Variants in PLPPR1 observed in about 807,000 individuals in gnomAD.
PLPPR1 encodes phospholipid phosphatase related 1.
Under a neutral mutation model 33.1 loss-of-function variants are expected in PLPPR1, and 10 were observed. The observed-to-expected ratio is 0.30, with a 90% CI of 0.19 to 0.51. PLPPR1 has a LOEUF of 0.51. Ranked by LOEUF, PLPPR1 falls within the 20% of genes least tolerant of loss-of-function variation. PLPPR1 has a pLI of 0.97. For synonymous variants in PLPPR1, 151 were observed against 151.0 expected (o/e 1.00, Z 0.00); for missense variants, 304 against 408.1 (o/e 0.74, Z 2.20).
intron 2 of PLPPR1, among the ~76,000 whole-genome samples, chr9:101,227,600 C>T (rs1827098147): frequency 1.3e-5 from 2 of 152,116 alleles, no homozygotes. Context: ...CTGTCTTTAA[C>T]ATTTTCCTTC....
At chr9:101,156,437 C>A (rs1831686977) in intron 1 of PLPPR1, among the ~76,000 whole-genome samples, 1 of 150,128 alleles carries the variant, frequency 6.7e-6, no homozygotes, top group African/African-American at 2.5e-5. Flanking sequence ...GTGGTCCCAA[C>A]TATTTGGGGG....
chr9:101,237,836 T>TATATATATATATATATAG (rs370193024), intron 2 of PLPPR1, among the ~76,000 whole-genome samples: 3 of 129,892 alleles, frequency 2.3e-5, no homozygotes, highest in Admixed American at 7.8e-5. Flanking sequence ...TATATATATA[T>TATATATATATATATATAG]GCTATATATG....
chr9:101,281,638 G>A (rs531121176), intron 3 of PLPPR1, among the ~76,000 whole-genome samples: 22 of 151,854 alleles, frequency 1.4e-4, no homozygotes, highest in African/African-American at 5.1e-4. Context: ...AAACAATAGA[G>A]AAGAACAAAA....
intron 2 of PLPPR1, among the ~76,000 whole-genome samples, chr9:101,220,807 A>C (rs2118789527): frequency 6.6e-6 from 1 of 152,334 alleles, no homozygotes; most frequent in Non-Finnish European, 1.5e-5. Flanking sequence ...TGCAGCTAGA[A>C]GGTTGAACAT....
intron 2 of PLPPR1, among the ~76,000 whole-genome samples, chr9:101,247,347 T>G (rs530996781): frequency 6.6e-6 from 1 of 152,102 alleles, no homozygotes; most frequent in African/African-American, 2.4e-5. Flanking sequence ...CCAGCAGCCT[T>G]CCTCAGGCTT....
chr9:101,297,639 TA>T (rs1828673356), intron 4 of PLPPR1, among the ~76,000 whole-genome samples: 1 of 152,216 alleles, frequency 6.6e-6, no homozygotes, highest in Non-Finnish European at 1.5e-5. Flanking sequence ...TATCCACTTC[TA>T]AACCATTGTA....
chr9:101,291,042 G>A (rs1290240375), intron 4 of PLPPR1, among the ~76,000 whole-genome samples: 2 of 152,246 alleles, frequency 1.3e-5, no homozygotes, highest in Non-Finnish European at 2.9e-5. Flanking sequence ...CAAAGAAAGG[G>A]GTGAAAGACG....
At chr9:101,311,784 CATACTAT>C (rs1340241655) in intron 5 of PLPPR1, among the ~76,000 whole-genome samples, 1 of 152,330 alleles carries the variant, frequency 6.6e-6, no homozygotes, top group Middle Eastern at 3.4e-3. Flanking sequence ...GCCATATACA[CATACTAT>C]ATAAGTATCA....
chr9:101,315,236 C>T (rs1364322745), intron 6 of PLPPR1, among the ~76,000 whole-genome samples: 1 of 152,160 alleles, frequency 6.6e-6, no homozygotes, highest in Admixed American at 6.5e-5. Flanking sequence ...ACCAACTCCT[C>T]TTCCCCCTAT....
At chr9:101,245,705 G>A (rs528532433) in intron 2 of PLPPR1, among the ~76,000 whole-genome samples, 51 of 151,958 alleles carry the variant, frequency 3.4e-4, no homozygotes, top group Middle Eastern at 3.4e-3. Context: ...CCACAAAAAA[G>A]TTACTTGTCT....
chr9:101,068,471 A>AT (rs534606165), intron 1 of PLPPR1, among the ~76,000 whole-genome samples: 3 of 151,822 alleles, frequency 2.0e-5, no homozygotes, highest in Non-Finnish European at 4.4e-5. Context: ...CATTTTCAAT[A>AT]TTTTTTTTCT....
At chr9:101,174,965 C>T (rs370592990) in intron 1 of PLPPR1, among the ~76,000 whole-genome samples, 15 of 152,216 alleles carry the variant, frequency 9.9e-5, no homozygotes, top group East Asian at 9.6e-4. Flanking sequence ...ATTCTAATTA[C>T]GAGAGTTTGT....
At chr9:101,285,359 T>C (rs1338757547) in intron 3 of PLPPR1, among the ~76,000 whole-genome samples, 3 of 152,020 alleles carry the variant, frequency 2.0e-5, no homozygotes. Flanking sequence ...GTAACATATA[T>C]TTATTAGTTT....
At chr9:101,121,874 T>C (rs1038141436) in intron 1 of PLPPR1, among the ~76,000 whole-genome samples, 1 of 152,186 alleles carries the variant, frequency 6.6e-6, no homozygotes, top group African/African-American at 2.4e-5. Context: ...ATATAGGATA[T>C]GCACTAGGGA....
intron 1 of PLPPR1, among the ~76,000 whole-genome samples, chr9:101,119,824 C>T (rs1831157981): frequency 6.6e-6 from 1 of 152,154 alleles, no homozygotes. Context: ...GAATAATAAT[C>T]TCCTCCCCAT....
At chr9:101,117,719 ATAGTT>A (rs1325989569) in intron 1 of PLPPR1, among the ~76,000 whole-genome samples, 1 of 152,178 alleles carries the variant, frequency 6.6e-6, no homozygotes, top group Non-Finnish European at 1.5e-5. Flanking sequence ...CCTTAGGCAA[ATAGTT>A]TAATTTCCAA....
At chr9:101,090,362 C>A (rs986828455) in intron 1 of PLPPR1, among the ~76,000 whole-genome samples, 5 of 152,078 alleles carry the variant, frequency 3.3e-5, no homozygotes, top group African/African-American at 1.2e-4. Flanking sequence ...CCTTATTTCC[C>A]TGAAATTTCA....
rs3080736 is a variant in PLPPR1 at position 101,071,605 on chromosome 9, G to GGAGAGA, written c.-46+42520_-46+42525dup. 7.6e-3 allele frequency among the ~76,000 whole-genome samples: 1,128 copies of GGAGAGA among 149,060 alleles called. 4 individuals carry two copies. The highest frequency in any genetic ancestry group is 0.017 in the East Asian group (83 of 4,944). ...CATGTGAGAGCAATGGGAGTGAGAA[G>GGAGAGA]GAGAGAGAGAGAGAGAGAGAGACAG... is the stretch of plus-strand genomic sequence containing the variant. On this transcript the variant is annotated intron_variant, in intron 1 of 7. Coordinates refer to ENST00000374874, the MANE Select transcript of PLPPR1 (RefSeq NM_207299.2).
intron 2 of PLPPR1, among the ~76,000 whole-genome samples, chr9:101,204,654 T>C (rs1826555758): frequency 6.6e-6 from 1 of 152,164 alleles, no homozygotes; most frequent in African/African-American, 2.4e-5. Context: ...TCTTGAGGGC[T>C]CTGGGAGTAC....
Sources: allele counts gnomAD v4.1 joint callset (sites outside exome capture counted in the v4.1 genomes callset), GRCh38; gene constraint gnomAD v4.1.1; transcripts MANE v1.5; gene names NCBI Gene and HGNC (gene_info 2026-07-23, HGNC 2026-07-21).